The following UNC5D variants were observed in gnomAD, a reference collection of about 807,000 sequenced individuals.
UNC5D encodes unc-5 netrin receptor D.
UNC5D carries 39 observed loss-of-function variants against 105.4 expected under a neutral mutation model. That is an observed-to-expected ratio of 0.37 (90% confidence interval 0.29 to 0.48). The LOEUF is 0.48. Among genes scored for constraint, UNC5D ranks in the 20% least tolerant of loss-of-function variants. The pLI is 0.98. For missense variants in UNC5D, 991 were observed against 1,202.4 expected, an observed-to-expected ratio of 0.82 and a Z score of 2.60; for synonymous variants, 452 against 450.4, an observed-to-expected ratio of 1.00 and a Z score of -0.04.
At chr8:35,704,828 G>T (rs1238241716) in intron 7 of UNC5D, among the ~76,000 whole-genome samples, 1 of 152,086 alleles carries the variant, frequency 6.6e-6, no homozygotes. Flanking sequence ...CAGAGGCCCA[G>T]TCTCAAAGTG....
chr8:35,507,059 T>C (rs1434059382), intron 1 of UNC5D, among the ~76,000 whole-genome samples: 1 of 137,564 alleles, frequency 7.3e-6, no homozygotes, highest in Non-Finnish European at 1.6e-5. Context: ...CTTTTTTTTT[T>C]TTTTTTTTTT....
Position 35,774,345 on chromosome 8 carries a change from T to G in UNC5D, c.2525T>G (p.Phe842Cys), listed in dbSNP as rs751657864. The G allele has an allele frequency of 6.2e-7, 1 of 1,614,064 alleles. No homozygotes were observed. The highest frequency in any genetic ancestry group is 1.1e-5 in the South Asian group (1 of 91,078). ...ITFFAQEDST[F>C]PAQTGPKAFK... is the part of the protein sequence containing the mutation. ...TTCTTCGCACAAGAGGACAGCACTT[T>G]CCCTGCACAGACTGGCCCCAAAGCC... The change falls in exon 16 of 17, where the codon TTC becomes TGC. Residue 842 changes from phenylalanine (F) to cysteine (C), a missense_variant. Physicochemically the swap from Phe to Cys is radical, Grantham distance 205. Coordinates refer to ENST00000404895, the MANE Select transcript of UNC5D (RefSeq NM_080872.4).
chr8:35,449,112 A>G (rs1338397997), intron 1 of UNC5D, among the ~76,000 whole-genome samples: 1 of 152,216 alleles, frequency 6.6e-6, no homozygotes, highest in Non-Finnish European at 1.5e-5. Flanking sequence ...ACTTAAACTG[A>G]TGACATATCT....
chr8:35,351,455 T>A (rs1025909224), intron 1 of UNC5D, among the ~76,000 whole-genome samples: 1 of 152,112 alleles, frequency 6.6e-6, no homozygotes. Context: ...CAATGCAGTT[T>A]AAATAATTTG....
At chr8:35,419,941 G>A (rs1043590205) in intron 1 of UNC5D, among the ~76,000 whole-genome samples, 1 of 152,150 alleles carries the variant, frequency 6.6e-6, no homozygotes, top group Non-Finnish European at 1.5e-5. Context: ...GTGGGGTGGG[G>A]AGAAAGCAGA....
intron 7 of UNC5D, among the ~76,000 whole-genome samples, chr8:35,691,795 C>T (rs1177203166): frequency 3.3e-5 from 5 of 152,104 alleles, no homozygotes; most frequent in Admixed American, 6.5e-5. Context: ...AAATAAGCTG[C>T]GCATGCCTCA....
chr8:35,239,874 C>T (rs1279628925), intron 1 of UNC5D, among the ~76,000 whole-genome samples: 1 of 151,980 alleles, frequency 6.6e-6, no homozygotes, highest in African/African-American at 2.4e-5. Context: ...TTTCTCCCTC[C>T]TTCTTTCTTT....
intron 4 of UNC5D, among the ~76,000 whole-genome samples, chr8:35,672,649 AT>A (rs1275897632): frequency 6.6e-6 from 1 of 152,140 alleles, no homozygotes; most frequent in Non-Finnish European, 1.5e-5. Flanking sequence ...CTGTCTTTTG[AT>A]TACATCTCTC....
rs1254324115 is a variant in UNC5D at position 35,512,547 on chromosome 8, A to G, written c.104-36745A>G. 4.9e-4 allele frequency among the ~76,000 whole-genome samples: 38 copies of G among 77,198 alleles called. 5 individuals are homozygous for G. The highest frequency in any genetic ancestry group is 2.9e-3 in the African/African-American group (38 of 13,320). The allele number at this position is 77,198 out of a possible 152,430, so 50.6% of individuals were successfully genotyped here. ...TATATTCAGATATGTATGTATATAT[A>G]TATATATATATATATATATATATCT... On this transcript the variant is annotated intron_variant, in intron 1 of 16. Coordinates refer to ENST00000404895, the MANE Select transcript of UNC5D (RefSeq NM_080872.4).
intron 10 of UNC5D, chr8:35,727,337 G>A (rs1475699446): frequency 6.6e-6 from 1 of 152,238 alleles, no homozygotes; most frequent in Non-Finnish European, 1.5e-5. Flanking sequence ...TGCTAAGAGG[G>A]AAGAGTATCT....
intron 14 of UNC5D, among the ~76,000 whole-genome samples, chr8:35,760,669 C>G (rs1032808428): frequency 2.0e-5 from 3 of 152,148 alleles, no homozygotes; most frequent in Non-Finnish European, 4.4e-5. Flanking sequence ...TTCTGGCGGA[C>G]TCACATTGAC....
At chr8:35,620,824 A>T (rs1308289884) in intron 4 of UNC5D, among the ~76,000 whole-genome samples, 1 of 152,138 alleles carries the variant, frequency 6.6e-6, no homozygotes, top group African/African-American at 2.4e-5. Flanking sequence ...TTCCTAAGGC[A>T]ATTAAGGGCA....
chr8:35,732,677 G>A (rs1400121277), intron 11 of UNC5D, among the ~76,000 whole-genome samples: 4 of 152,104 alleles, frequency 2.6e-5, no homozygotes, highest in African/African-American at 9.7e-5. Context: ...GTATAATCCA[G>A]TCCACTTTCC....
intron 1 of UNC5D, among the ~76,000 whole-genome samples, chr8:35,244,414 G>T (rs1473190274): frequency 6.6e-6 from 1 of 152,182 alleles, no homozygotes; most frequent in East Asian, 1.9e-4. Flanking sequence ...GACAGAAAGA[G>T]AAATAAATGG....
chr8:35,661,249 G>A lies in UNC5D; in HGVS notation c.571-22298G>A, dbSNP rs565989760. Among the ~76,000 whole-genome samples the A allele has an allele frequency of 1.1e-4, 17 of 152,206 alleles. No individual in the cohort carries two copies. The South Asian group carries it at 3.5e-3, about 32-fold the overall frequency. On this transcript the variant is annotated intron_variant, in intron 4 of 16. Coordinates refer to ENST00000404895, the MANE Select transcript of UNC5D (RefSeq NM_080872.4). ...ATGCAGATGTAGAGAGGCATTTATTGGAAAGGGACTGGCATACTGGATGCA... is the reference window on the plus strand; with the variant it reads ...ATGCAGATGTAGAGAGGCATTTATTAGAAAGGGACTGGCATACTGGATGCA...
At chr8:35,488,269 A>G (rs973597234) in intron 1 of UNC5D, among the ~76,000 whole-genome samples, 1 of 152,218 alleles carries the variant, frequency 6.6e-6, no homozygotes, top group African/African-American at 2.4e-5. Context: ...GCTACCTGGG[A>G]CTAAAGGTTA....
chr8:35,654,546 C>T (rs2131197626), intron 4 of UNC5D, among the ~76,000 whole-genome samples: 1 of 152,260 alleles, frequency 6.6e-6, no homozygotes, highest in South Asian at 2.1e-4. Flanking sequence ...GCTCACTCAC[C>T]CAGATCACTC....
At chr8:35,601,782 G>A (rs371162824) in intron 4 of UNC5D, among the ~76,000 whole-genome samples, 58 of 152,018 alleles carry the variant, frequency 3.8e-4, no homozygotes, top group Admixed American at 5.2e-4. Context: ...CTAATTGAAT[G>A]CCCTTTATTT....
intron 1 of UNC5D, among the ~76,000 whole-genome samples, chr8:35,400,218 T>C (rs1185818314): frequency 1.3e-5 from 2 of 152,102 alleles, no homozygotes; most frequent in Non-Finnish European, 2.9e-5. Flanking sequence ...CACTTTTAGT[T>C]GAGATCCTTT....
Sources: gnomAD v4.1 joint callset for allele counts (sites outside exome capture counted in the v4.1 genomes callset) on GRCh38, gnomAD v4.1.1 for gene constraint, MANE v1.5 for transcripts, NCBI Gene and HGNC (gene_info 2026-07-23, HGNC 2026-07-21) for gene names.